Variants in HIF3A observed in about 807,000 individuals in gnomAD.
The protein encoded by HIF3A is hypoxia inducible factor 3 subunit alpha, also known as hypoxia-inducible factor 3-alpha.
In HIF3A, 41 loss-of-function variants were observed where a neutral mutation model predicts 67.2. The ratio of observed to expected loss-of-function variants is 0.61; its 90% confidence interval spans 0.48 to 0.79. HIF3A has a LOEUF of 0.79. Ranked by LOEUF, HIF3A falls within the 30% of genes least tolerant of loss-of-function variation. The pLI is 0.00. For synonymous variants in HIF3A, 356 were observed against 374.8 expected (o/e 0.95, Z 0.58); for missense variants, 855 against 898.0 (o/e 0.95, Z 0.61).
At chr19:46,321,370 G>GTTT (rs1970347546) in intron 9 of HIF3A, among the ~76,000 whole-genome samples, 2 of 152,116 alleles carry the variant, frequency 1.3e-5, no homozygotes, top group Non-Finnish European at 2.9e-5. Context: ...GATCACTTGA[G>GTTT]GTCAGGAGTT....
intron 13 of HIF3A, 134 bp from the exon 14 acceptor site, chr19:46,334,771 G>A (rs1159955553): frequency 1.1e-5 from 7 of 618,422 alleles, no homozygotes; most frequent in Admixed American, 6.0e-5. Context: ...GGTCTCAAAC[G>A]TTTGGGCTTA....
chr19:46,305,480 T>C (rs779688234), intron 3 of HIF3A, 90 bp downstream of exon 3: 62 of 1,255,192 alleles, frequency 4.9e-5, no homozygotes, highest in Non-Finnish European at 6.7e-5. Flanking sequence ...CCTACCTTTA[T>C]GGGACTCACA....
intron 10 of HIF3A, among the ~76,000 whole-genome samples, chr19:46,324,981 T>C (rs1456282727): frequency 3.4e-5 from 4 of 118,052 alleles, no homozygotes; most frequent in East Asian, 5.0e-4. Flanking sequence ...CACACACACA[T>C]ATATTGTGTG....
At chr19:46,308,170 G>A in intron 3 of HIF3A, 51 bp from the exon 4 acceptor site, 1 of 1,131,322 alleles carries the variant, frequency 8.8e-7, no homozygotes, top group Non-Finnish European at 1.4e-6. Context: ...ATGGGATGGA[G>A]GAGATGGGTC....
At position 46,329,071 on chromosome 19, in the gene HIF3A, C is replaced by T. The variant is rs962145144; in HGVS notation, c.1441-136C>T. 62 of 787,784 alleles carry T rather than the reference C, an allele frequency of 7.9e-5. 1 individual carries two copies. In the South Asian group the frequency reaches 1.1e-3, roughly 14 times the overall value. The allele number at this position is 787,784 out of a possible 1,614,324, so 48.8% of individuals were successfully genotyped here. ...ATGTTCTTCAGGGAGTCCTTATACC[C>T]ATTTTACAGATGAGGAAACTGAAGC... On this transcript the variant is annotated intron_variant, in intron 11 of 14. Transcript: ENST00000377670.
At chr19:46,319,596 T>A (rs2147220430) in intron 8 of HIF3A, among the ~76,000 whole-genome samples, 1 of 152,318 alleles carries the variant, frequency 6.6e-6, no homozygotes, top group East Asian at 1.9e-4. Flanking sequence ...TTCATAAAAA[T>A]TACAGCCCTA....
In HIF3A at chr19:46,341,004, CT is replaced by C. The variant is rs1971915595; in HGVS notation, c.*1383del. On this transcript the variant is annotated 3_prime_UTR_variant, in exon 15 of 15. Transcript: ENST00000377670. ...TGGTTCTAGAATTCACTAACTTCCTCTGGTTCTAGACCTCTTCCTATAAATT... is the reference window on the plus strand; with the variant it reads ...TGGTTCTAGAATTCACTAACTTCCTCGGTTCTAGACCTCTTCCTATAAATT... 6.6e-6 allele frequency: 1 copy of C among 152,168 alleles called. No homozygotes were observed. The highest frequency in any genetic ancestry group is 2.1e-4 in the South Asian group (1 of 4,824). 9.4% of individuals were successfully genotyped at this position (152,168 alleles called of 1,614,324 possible). A position where few individuals can be genotyped will look rare whatever the true frequency, so the allele number is the denominator to read the frequency against.
intron 8 of HIF3A, chr19:46,313,463 A>G (rs1464656207): frequency 5.4e-6 from 1 of 186,276 alleles, no homozygotes; most frequent in Non-Finnish European, 9.9e-6. Context: ...TTCTCAAAAA[A>G]AAAAAAAAAA....
chr19:46,304,182 T>C (rs1435986863), intron 2 of HIF3A, 94 bp downstream of exon 2: 1 of 1,156,902 alleles, frequency 8.6e-7, no homozygotes, highest in Non-Finnish European at 1.2e-6. Flanking sequence ...GGAAGCCTTA[T>C]TCTGACAAAG....
rs1446687429 is a variant in HIF3A at position 46,297,742 on chromosome 19, A to T, written c.26+640A>T. ...GGACCCTTCCCAAGAGACTTTTTGTATCCTTTCAAAAGCCAGAGTCACCCC... is the reference window on the plus strand; with the variant it reads ...GGACCCTTCCCAAGAGACTTTTTGTTTCCTTTCAAAAGCCAGAGTCACCCC... On this transcript the variant is annotated intron_variant, in intron 1 of 14. Coordinates refer to ENST00000377670, the MANE Select transcript of HIF3A (RefSeq NM_152795.4). The surrounding 1 kb of genome is among the most constrained non-coding windows in gnomAD (Gnocchi z 4.5). Among the ~76,000 whole-genome samples, 1 of 152,044 alleles carries T rather than the reference A, an allele frequency of 6.6e-6. No homozygotes were observed. The highest frequency in any genetic ancestry group is 2.4e-5 in the African/African-American group (1 of 41,394).
chr19:46,309,102 T>G (rs755052160), intron 5 of HIF3A, 49 bp from the exon 6 acceptor site: 1 of 1,518,808 alleles, frequency 6.6e-7, no homozygotes. Context: ...CCATGGGTGG[T>G]CTCAGGCCCA....
At position 46,309,372 on chromosome 19, in the gene HIF3A, C is replaced by T; in HGVS notation, c.770+13C>T. 6.3e-7 allele frequency: 1 copy of T among 1,577,692 alleles called. No individual in the cohort carries two copies. Among genetic ancestry groups the T allele is most frequent in the Non-Finnish European group, 8.6e-7 (1 of 1,161,078 alleles). ...ACTGTGACGACAGGTGGGCAGGGGCCCCCTCTTCCGTCTGCCCAAGTTCAA... is the reference window on the plus strand; with the variant it reads ...ACTGTGACGACAGGTGGGCAGGGGCTCCCTCTTCCGTCTGCCCAAGTTCAA... On this transcript the variant is annotated intron_variant, in intron 6 of 14. Coordinates refer to ENST00000377670, the MANE Select transcript of HIF3A (RefSeq NM_152795.4).
At chr19:46,312,882 A>ATTTTTTTTTTTTTTTTTT in intron 8 of HIF3A, 2 of 877,180 alleles carry the variant, frequency 2.3e-6, no homozygotes, top group Non-Finnish European at 2.6e-6. Context: ...TAGACTGTTA[A>ATTTTTTTTTTTTTTTTTT]TTTTTTTTTT....
rs192288565 is a variant in HIF3A, at chr19:46,325,897, C to T, written c.1440+258C>T. On this transcript the variant is annotated intron_variant, in intron 11 of 14. Coordinates refer to ENST00000377670, the MANE Select transcript of HIF3A (RefSeq NM_152795.4). The stretch of plus-strand genomic sequence containing the variant: ...CTGGATGAAAAATGGATAGGTGATA[C>T]TTGGATGGATGATTTATTGAATGCA... 1.8e-3 allele frequency among the ~76,000 whole-genome samples: 269 copies of T among 152,162 alleles called. 1 individual carries two copies. Among genetic ancestry groups the T allele is most frequent in the African/African-American group, 5.7e-3 (238 of 41,550 alleles).
At chr19:46,332,154 T>A (rs1971278277) in intron 13 of HIF3A, among the ~76,000 whole-genome samples, 3 of 152,098 alleles carry the variant, frequency 2.0e-5, no homozygotes, top group Non-Finnish European at 4.4e-5. Flanking sequence ...GTGGGAATAG[T>A]TACATCTCAC....
At chr19:46,298,363 G>GCCCCCCCCCCCCC in intron 1 of HIF3A, 1 of 1,256,680 alleles carries the variant, frequency 8.0e-7, no homozygotes, top group South Asian at 1.3e-5. Flanking sequence ...GAGCTCGGGT[G>GCCCCCCCCCCCCC]CCCCCCCTCC....
At chr19:46,331,006 T>G in intron 12 of HIF3A, 150 bp from the exon 13 acceptor site, 1 of 509,794 alleles carries the variant, frequency 2.0e-6, no homozygotes, top group East Asian at 2.9e-5. Context: ...GAAGATGGAT[T>G]GGTGGATGGA....
At chr19:46,321,658 A>G in intron 9 of HIF3A, 118 bp from the exon 10 acceptor site, 1 of 868,494 alleles carries the variant, frequency 1.2e-6, no homozygotes, top group South Asian at 1.6e-5. Context: ...CACTAAGAAC[A>G]GTGGCCATCC....
At chr19:46,318,972 A>C (rs1970152188) in intron 8 of HIF3A, among the ~76,000 whole-genome samples, 1 of 152,158 alleles carries the variant, frequency 6.6e-6, no homozygotes, top group Non-Finnish European at 1.5e-5. Flanking sequence ...CCACTGTGTA[A>C]GTAGCGGAGC....
Sources: gnomAD v4.1 joint callset for allele counts (sites outside exome capture counted in the v4.1 genomes callset) on GRCh38, gnomAD v4.1.1 for gene constraint, Gnocchi (gnomAD v3.1) non-coding constraint, MANE v1.5 for transcripts, NCBI Gene and HGNC (gene_info 2026-07-23, HGNC 2026-07-21) for gene names.